Variants in MAML3 observed in about 807,000 individuals in gnomAD.
MAML3 encodes mastermind-like protein 3.
In MAML3, 27 loss-of-function variants were observed where a neutral mutation model predicts 101.9. The observed-to-expected ratio is 0.27, with a 90% CI of 0.20 to 0.37. The LOEUF (loss-of-function observed/expected upper bound fraction) is 0.37. MAML3 is among the 10% of genes least tolerant of loss of function. The pLI is 1.00. For missense variants in MAML3, 1,316 were observed against 1,444.9 expected (o/e 0.91, Z 1.45); for synonymous variants, 501 against 555.9 (o/e 0.90, Z 1.39).
chr4:139,971,002 A>C (rs1734225371), intron 1 of MAML3, among the ~76,000 whole-genome samples: 1 of 152,156 alleles, frequency 6.6e-6, no homozygotes, highest in Non-Finnish European at 1.5e-5. Context: ...ACTGTTAACT[A>C]GTTCTGTCTT....
At chr4:140,062,056 G>A (rs943195794) in intron 1 of MAML3, among the ~76,000 whole-genome samples, 1 of 151,990 alleles carries the variant, frequency 6.6e-6, no homozygotes, top group Non-Finnish European at 1.5e-5. Flanking sequence ...GATACCTCCC[G>A]CCCCCATTAT....
At chr4:139,795,998 G>A (rs1031347839) in intron 2 of MAML3, among the ~76,000 whole-genome samples, 1 of 152,180 alleles carries the variant, frequency 6.6e-6, no homozygotes, top group East Asian at 1.9e-4. Flanking sequence ...AGGGCATTTG[G>A]GTAGCACGTG....
chr4:140,152,798 G>GCCCCC, intron 1 of MAML3, 62 bp downstream of exon 1: 2 of 1,555,810 alleles, frequency 1.3e-6, no homozygotes, highest in Non-Finnish European at 1.7e-6. Flanking sequence ...AGCTCCACGC[G>GCCCCC]CCCCCCACCA....
At chr4:139,852,143 C>T (rs3886984) in intron 2 of MAML3, among the ~76,000 whole-genome samples, 1 of 152,154 alleles carries the variant, frequency 6.6e-6, no homozygotes, top group Non-Finnish European at 1.5e-5. Context: ...AACACTTGTT[C>T]TCAATTGCTA....
At chr4:140,084,319 TTTTA>T (rs1176194873) in intron 1 of MAML3, among the ~76,000 whole-genome samples, 8 of 152,320 alleles carry the variant, frequency 5.3e-5, no homozygotes, top group East Asian at 1.9e-4. Context: ...CACTTAAATA[TTTTA>T]TTTGTTTACA....
chr4:139,990,352 T>G (rs954971666), intron 1 of MAML3, among the ~76,000 whole-genome samples: 4 of 151,204 alleles, frequency 2.6e-5, no homozygotes, highest in Admixed American at 6.6e-5. Context: ...ATTCAACAAC[T>G]CTTCATGCTA....
intron 1 of MAML3, among the ~76,000 whole-genome samples, chr4:140,064,626 A>T (rs568793771): frequency 6.6e-6 from 1 of 152,290 alleles, no homozygotes; most frequent in South Asian, 2.1e-4. Flanking sequence ...ATCAATAAGG[A>T]ACAAAACTTG....
chr4:139,868,227 T>C (rs1054691590), intron 2 of MAML3, among the ~76,000 whole-genome samples: 2 of 152,164 alleles, frequency 1.3e-5, no homozygotes, highest in African/African-American at 2.4e-5. Flanking sequence ...ACTGTGCAAG[T>C]TGTATAAGAA....
chr4:140,146,553 C>T (rs1729068685), intron 1 of MAML3, among the ~76,000 whole-genome samples: 1 of 152,074 alleles, frequency 6.6e-6, no homozygotes, highest in South Asian at 2.1e-4. Context: ...TTGGTGACAG[C>T]TGATTTTTCA....
chr4:140,133,262 G>C (rs187746915), intron 1 of MAML3: 4 of 327,704 alleles, frequency 1.2e-5, no homozygotes, highest in Non-Finnish European at 2.4e-5. Flanking sequence ...CAGTGGTCCT[G>C]CCTTATAAAA....
chr4:139,995,042 AT>A (rs1734779648), intron 1 of MAML3, among the ~76,000 whole-genome samples: 1 of 152,088 alleles, frequency 6.6e-6, no homozygotes, highest in Non-Finnish European at 1.5e-5. Context: ...GATGTCCTTT[AT>A]CGGGATGAGG....
intron 1 of MAML3, among the ~76,000 whole-genome samples, chr4:140,010,041 T>A (rs557364193): frequency 2.9e-4 from 44 of 152,306 alleles, no homozygotes; most frequent in Non-Finnish European, 5.4e-4. Context: ...TGCTTCCACA[T>A]CCAAAAAATT....
At chr4:139,853,476 T>A (rs2111157913) in intron 2 of MAML3, among the ~76,000 whole-genome samples, 1 of 152,096 alleles carries the variant, frequency 6.6e-6, no homozygotes, top group Non-Finnish European at 1.5e-5. Flanking sequence ...TTGAGGATTA[T>A]GGAGATGGAG....
At chr4:140,035,887 G>A (rs777688115) in intron 1 of MAML3, among the ~76,000 whole-genome samples, 3 of 152,076 alleles carry the variant, frequency 2.0e-5, no homozygotes, top group South Asian at 2.1e-4. Context: ...AATTCCCTTC[G>A]GAACACATTA....
At chr4:140,078,748 C>T (rs1727817428) in intron 1 of MAML3, among the ~76,000 whole-genome samples, 1 of 152,116 alleles carries the variant, frequency 6.6e-6, no homozygotes, top group African/African-American at 2.4e-5. Context: ...CTCCAGCTCC[C>T]ATTGCCAGGA....
chr4:140,040,898 T>C (rs1358309592), intron 1 of MAML3, among the ~76,000 whole-genome samples: 1 of 152,152 alleles, frequency 6.6e-6, no homozygotes, highest in East Asian at 1.9e-4. Flanking sequence ...ATACATTTAA[T>C]TCAACTCAAG....
chr4:140,033,811 C>A (rs1450766903), intron 1 of MAML3, among the ~76,000 whole-genome samples: 3 of 152,226 alleles, frequency 2.0e-5, no homozygotes, highest in African/African-American at 7.2e-5. Context: ...TGGCATGGCA[C>A]TGGGCACACA....
At chr4:139,747,486 G>C (rs924282376) in intron 2 of MAML3, among the ~76,000 whole-genome samples, 37 of 152,246 alleles carry the variant, frequency 2.4e-4, no homozygotes, top group African/African-American at 7.7e-4. Flanking sequence ...CTGAGGTCTG[G>C]AGTTCAAGAC....
chr4:139,764,172 C>T (rs1729808689), intron 2 of MAML3, among the ~76,000 whole-genome samples: 1 of 152,194 alleles, frequency 6.6e-6, no homozygotes, highest in African/African-American at 2.4e-5. Context: ...AGCAAAAAGA[C>T]ACTGCATACC....
Sources: gnomAD v4.1 joint callset for allele counts (sites outside exome capture counted in the v4.1 genomes callset) on GRCh38, gnomAD v4.1.1 for gene constraint, MANE v1.5 for transcripts, NCBI Gene and HGNC (gene_info 2026-07-23, HGNC 2026-07-21) for gene names.